Variants in CLSPN observed in about 807,000 individuals in gnomAD.
CLSPN encodes claspin, also known as claspin homolog.
A neutral mutation model predicts 156.3 loss-of-function variants in CLSPN; 85 were observed. The observed-to-expected ratio is 0.54, with a 90% CI of 0.46 to 0.65. The LOEUF (loss-of-function observed/expected upper bound fraction) is 0.65, where lower values mean the gene tolerates loss of function less well. CLSPN is among the 30% of genes least tolerant of loss of function. The pLI is 0.00. For synonymous variants in CLSPN, 534 were observed against 542.4 expected (o/e 0.98, Z 0.22); for missense variants, 1,407 against 1,554.9 (o/e 0.90, Z 1.60).
intron 2 of CLSPN, 73 bp from the exon 3 acceptor site, chr1:35,764,787 A>AT: frequency 1.1e-6 from 1 of 932,802 alleles, no homozygotes. Context: ...CCTCAAAAAT[A>AT]TATTTTTATA....
chr1:35,736,079 G>T lies in CLSPN; in HGVS notation c.*417C>A, dbSNP rs182540073. 2 of 544,106 alleles carry T rather than the reference G, an allele frequency of 3.7e-6. No homozygotes were observed. The highest frequency in any genetic ancestry group is 2.1e-5 in the African/African-American group (1 of 48,552). 33.7% of individuals were successfully genotyped at this position (544,106 alleles called of 1,614,324 possible). On this transcript the variant is annotated 3_prime_UTR_variant, in exon 25 of 25. Transcript: ENST00000318121. ...CTAAAAATACAAAAATTAGCTGGGC[G>T]TATTGGCACATGCCTGTAATCCCAG...
rs1365821241 is a variant in CLSPN at position 35,751,313 on chromosome 1, T to A, written c.1965A>T (p.Lys655Asn). Reference sequence around the variant, plus strand: ...CCTCCTCTTCCTCTAGTTCTTCCTCTTTCTCTTCTTTCTCTACCTTCTCTT... The same window carrying A: ...CCTCCTCTTCCTCTAGTTCTTCCTCATTCTCTTCTTTCTCTACCTTCTCTT... Reference protein sequence around the residue: ...DGEEKVEKEEKEEELEEEEEK... With the variant: ...DGEEKVEKEENEEELEEEEEK... Residue 655 changes from lysine to asparagine, a missense_variant, in exon 10 of 25, where the codon AAA (lysine) becomes AAT (asparagine). This residue lies in a region of CLSPN where 1,096 missense variants were observed against 1,193.0 expected (regional missense o/e 0.92). Transcript: ENST00000318121. 1 of 1,585,008 alleles carries A rather than the reference T, an allele frequency of 6.3e-7. No homozygotes were observed.
downstream of CLSPN, among the ~76,000 whole-genome samples, chr1:35,729,454 C>T (rs1641267085): frequency 6.6e-6 from 1 of 152,152 alleles, no homozygotes; most frequent in Admixed American, 6.6e-5. Flanking sequence ...AGAACTAAAT[C>T]AATAAACTGA....
In CLSPN at chr1:35,769,974, G is replaced by A. The variant is rs1417117959; in HGVS notation, c.-104C>T. The A allele has an allele frequency of 2.1e-6, 3 of 1,408,982 alleles. No homozygotes were observed. The highest frequency in any genetic ancestry group is 1.8e-5 in the Admixed American group (1 of 54,362). 87.3% of individuals were successfully genotyped at this position (1,408,982 alleles called of 1,614,324 possible). Reference sequence around the variant, plus strand: ...TCTCCAGCCCAGCAGTGCTGTTCTTGCTTTCCCGCCCAGCCAGAGTGGAGG... The same window carrying A: ...TCTCCAGCCCAGCAGTGCTGTTCTTACTTTCCCGCCCAGCCAGAGTGGAGG... On this transcript the variant is annotated 5_prime_UTR_variant, in exon 1 of 25. Coordinates refer to ENST00000318121, the MANE Select transcript of CLSPN (RefSeq NM_022111.4).
In CLSPN at chr1:35,736,265, G is replaced by T; in HGVS notation, c.*231C>A. On this transcript the variant is annotated 3_prime_UTR_variant, in exon 25 of 25. Transcript: ENST00000318121. Reference sequence around the variant, plus strand: ...ACCTCACCCAAGTATTCCATGAGTTGTTGATGTTGTAAATACTGCAGAATT... The same window carrying T: ...ACCTCACCCAAGTATTCCATGAGTTTTTGATGTTGTAAATACTGCAGAATT... 1 of 1,137,668 alleles carries T rather than the reference G, an allele frequency of 8.8e-7. No homozygotes were observed. Among genetic ancestry groups the T allele is most frequent in the Non-Finnish European group, 1.1e-6 (1 of 928,286 alleles). The allele number at this position is 1,137,668 out of a possible 1,614,324, so 70.5% of individuals were successfully genotyped here.
chr1:35,721,223 GT>G (rs1641066457), intron 24 of CLSPN, among the ~76,000 whole-genome samples: 1 of 152,076 alleles, frequency 6.6e-6, no homozygotes, highest in Admixed American at 6.6e-5. Context: ...CACTTATTAG[GT>G]AACAGTAACT....
intron 17 of CLSPN, 85 bp downstream of exon 17, chr1:35,743,370 T>G: frequency 7.1e-7 from 1 of 1,401,026 alleles, no homozygotes; most frequent in Non-Finnish European, 1.0e-6. Flanking sequence ...AAACTTAGAA[T>G]TCTCAAGAAC....
At chr1:35,730,260 A>G (rs1271848551), downstream of CLSPN, among the ~76,000 whole-genome samples, 1 of 152,102 alleles carries the variant, frequency 6.6e-6, no homozygotes, top group Non-Finnish European at 1.5e-5. Flanking sequence ...TGGGAAACCT[A>G]AGGCTGGGTG....
intron 5 of CLSPN, 114 bp from the exon 6 acceptor site, chr1:35,762,184 A>T (rs1241931567): frequency 1.1e-6 from 1 of 869,630 alleles, no homozygotes. Flanking sequence ...AATAGTAAGC[A>T]TGAGTAAGCC....
chr1:35,769,498 C>A (rs1642789630), intron 1 of CLSPN, among the ~76,000 whole-genome samples: 1 of 152,236 alleles, frequency 6.6e-6, no homozygotes, highest in Non-Finnish European at 1.5e-5. Flanking sequence ...TCCCGGCTTT[C>A]AGAGCACCCT....
At chr1:35,721,385 A>G (rs902534183) in intron 24 of CLSPN, among the ~76,000 whole-genome samples, 2 of 151,778 alleles carry the variant, frequency 1.3e-5, no homozygotes, top group Admixed American at 6.6e-5. Context: ...TGCTATCACC[A>G]TGTTTTGTTT....
chr1:35,750,206 C>G (rs2148619672), intron 10 of CLSPN, among the ~76,000 whole-genome samples: 1 of 152,102 alleles, frequency 6.6e-6, no homozygotes, highest in South Asian at 2.1e-4. Flanking sequence ...AATAATAACT[C>G]AAGTTGCTGG....
intron 24 of CLSPN, chr1:35,721,029 A>G: frequency 7.6e-7 from 1 of 1,312,692 alleles, no homozygotes; most frequent in Admixed American, 1.8e-5. Context: ...CAGAGATGAG[A>G]GATAGTTCTG....
In CLSPN at chr1:35,732,407, A is replaced by G. The variant is rs1036107383; in HGVS notation, c.*4089T>C. The G allele has an allele frequency of 1.0e-6, 1 of 985,228 alleles. No individual in the cohort carries two copies. Among genetic ancestry groups the G allele is most frequent in the East Asian group, 1.1e-4 (1 of 8,832 alleles). The allele number at this position is 985,228 out of a possible 1,614,324, so 61.0% of individuals were successfully genotyped here. A position where few individuals can be genotyped will look rare whatever the true frequency, so the allele number is the denominator to read the frequency against. On this transcript the variant is annotated 3_prime_UTR_variant, in exon 25 of 25. Transcript: ENST00000318121. ...CATTAGAAACTCTCAAAGTGAGGAG[A>G]AGTTTGTAGAGAAGCAGTTGAGAAA...
rs775454541 is a variant in CLSPN at position 35,746,824 on chromosome 1, G to A, written c.2796C>T (p.Asp932=). The part of the protein sequence containing the change: ...QAEKHLPRKS[D]KKENMEELLN... ...GAAGTTCCTCCATGTTCTCTTTCTT[G>A]TCACTCTTCCTGGGTAGATGTTTTT... The change falls in exon 15 of 25, where the codon GAC becomes GAT. Residue 932 remains aspartate (D), a synonymous_variant. Transcript: ENST00000318121. The surrounding 1 kb of genome is among the most constrained non-coding windows in gnomAD (Gnocchi z 4.2). The A allele has an allele frequency of 3.7e-6, 6 of 1,613,910 alleles. No individual in the cohort carries two copies. In the South Asian group the frequency reaches 6.6e-5, roughly 18 times the overall value.
chr1:35,764,812 CATT>C (rs1642615001), intron 2 of CLSPN, 98 bp from the exon 3 acceptor site: 1 of 753,272 alleles, frequency 1.3e-6, no homozygotes, highest in African/African-American at 1.8e-5. Context: ...TGATATATAA[CATT>C]GTGAAATTAC....
rs1308116159 is a variant in CLSPN at position 35,760,791 on chromosome 1, G to A, written c.1130C>T (p.Thr377Ile). ...QTTGAENEVE[T>I]NALPVVSKET... is the part of the protein sequence containing the mutation. Reference sequence around the variant, plus strand: ...CTTTGAAACTACAGGGAGTGCATTAGTTTCCACTTCATTTTCTGCACCTGT... The same window carrying A: ...CTTTGAAACTACAGGGAGTGCATTAATTTCCACTTCATTTTCTGCACCTGT... Residue 377 changes from threonine (T) to isoleucine (I), a missense_variant, in exon 8 of 25, where the codon ACT becomes ATT. Transcript: ENST00000318121. 2 of 1,613,686 alleles carry A rather than the reference G, an allele frequency of 1.2e-6. No homozygotes were observed. Among genetic ancestry groups the A allele is most frequent in the South Asian group, 2.2e-5 (2 of 91,078 alleles).
At chr1:35,765,650 G>C (rs922994027) in intron 1 of CLSPN, among the ~76,000 whole-genome samples, 3 of 152,032 alleles carry the variant, frequency 2.0e-5, no homozygotes, top group Non-Finnish European at 4.4e-5. Context: ...TTTCTATTTA[G>C]AGAAATATCC....
chr1:35,729,161 T>C (rs559351440), downstream of CLSPN, among the ~76,000 whole-genome samples: 1 of 152,210 alleles, frequency 6.6e-6, no homozygotes, highest in African/African-American at 2.4e-5. Context: ...CTTCAGCCTC[T>C]GAGAAAAAGA....
Sources: gnomAD v4.1 joint callset for allele counts (sites outside exome capture counted in the v4.1 genomes callset) on GRCh38, gnomAD v4.1.1 for gene constraint, gnomAD v4.1.1 regional missense constraint, Gnocchi (gnomAD v3.1) non-coding constraint, MANE v1.5 for transcripts, NCBI Gene and HGNC (gene_info 2026-07-23, HGNC 2026-07-21) for gene names.